HDAC9: variants seen among roughly 807,000 people sequenced by gnomAD.
HDAC9 encodes the protein MEF-2 interacting transcription repressor (MITR) protein.
In HDAC9, 41 loss-of-function variants were observed where a neutral mutation model predicts 139.4. The observed-to-expected ratio is 0.29, with a 90% CI of 0.23 to 0.38. The LOEUF (loss-of-function observed/expected upper bound fraction) is 0.38. HDAC9 is among the 10% of genes least tolerant of loss of function. HDAC9 has a pLI of 1.00. For synonymous variants in HDAC9, 517 were observed against 476.2 expected (o/e 1.09, Z -1.12); for missense variants, 1,147 against 1,297.0 (o/e 0.88, Z 1.78).
chr7:18,554,586 C>T (rs1310272923), intron 2 of HDAC9, among the ~76,000 whole-genome samples: 8 of 152,118 alleles, frequency 5.3e-5, no homozygotes, highest in East Asian at 3.9e-4. Context: ...CCACCTGCCT[C>T]GGCCTCCCAA....
intron 1 of HDAC9, among the ~76,000 whole-genome samples, chr7:18,114,259 A>G (rs922373792): frequency 6.6e-6 from 1 of 152,268 alleles, no homozygotes; most frequent in African/African-American, 2.4e-5. Flanking sequence ...AAGCAAACGC[A>G]TTAGAGAGAC....
intron 12 of HDAC9, among the ~76,000 whole-genome samples, chr7:18,685,129 G>A (rs570943197): frequency 1.3e-5 from 2 of 152,086 alleles, no homozygotes; most frequent in African/African-American, 2.4e-5. Flanking sequence ...CCTCTAGAAA[G>A]GTTAGTTGGA....
chr7:18,929,949 A>AAAG (rs71017013), intron 22 of HDAC9, among the ~76,000 whole-genome samples: 31,040 of 151,598 alleles, frequency 0.2, 3,466 homozygotes, highest in East Asian at 0.37. Context: ...AAAAAAAAAA[A>AAAG]TATCTGAAAC....
At chr7:18,437,944 TAC>T (rs574736728) in intron 1 of HDAC9, among the ~76,000 whole-genome samples, 156 of 148,356 alleles carry the variant, frequency 1.1e-3, no homozygotes, top group South Asian at 1.7e-3. Context: ...TATATAACGT[TAC>T]ACACACACAC....
At position 18,996,266 on chromosome 7, in the gene HDAC9, G is replaced by A. The variant is rs991201780; in HGVS notation, c.*204G>A. 5.1e-5 allele frequency: 25 copies of A among 489,778 alleles called. No individual in the cohort carries two copies. The highest frequency in any genetic ancestry group is 3.3e-4 in the African/African-American group (17 of 51,022). The allele number at this position is 489,778 out of a possible 1,614,324, so 30.3% of individuals were successfully genotyped here. A position where few individuals can be genotyped will look rare whatever the true frequency, so the allele number is the denominator to read the frequency against. Reference sequence around the variant, plus strand: ...CATTAAAGATTCCTTAAACGTAACCGCTGTGATTCTAGAGTTACAGTAAAC... The same window carrying A: ...CATTAAAGATTCCTTAAACGTAACCACTGTGATTCTAGAGTTACAGTAAAC... On this transcript the variant is annotated 3_prime_UTR_variant, in exon 26 of 26. Coordinates refer to ENST00000686413, the MANE Select transcript of HDAC9 (RefSeq NM_178425.4).
chr7:18,931,166 A>C (rs966606281), intron 22 of HDAC9, among the ~76,000 whole-genome samples: 1 of 152,206 alleles, frequency 6.6e-6, no homozygotes, highest in Non-Finnish European at 1.5e-5. Context: ...TTTTTTACAT[A>C]AATTTTCTAG....
At chr7:18,621,701 A>G (rs1196093020) in intron 6 of HDAC9, among the ~76,000 whole-genome samples, 4 of 152,184 alleles carry the variant, frequency 2.6e-5, no homozygotes, top group Non-Finnish European at 5.9e-5. Context: ...TTAGTGTCAA[A>G]ATATATAAAA....
At chr7:18,678,949 C>G (rs1482026472) in intron 12 of HDAC9, among the ~76,000 whole-genome samples, 1 of 151,828 alleles carries the variant, frequency 6.6e-6, no homozygotes, top group African/African-American at 2.4e-5. Context: ...CTCTCTTGCT[C>G]CCTAATTTGT....
At chr7:18,220,025 T>TA (rs1792587295) in intron 2 of HDAC9, among the ~76,000 whole-genome samples, 1 of 152,194 alleles carries the variant, frequency 6.6e-6, no homozygotes. Flanking sequence ...CTAAGTTATA[T>TA]AATGTACACA....
intron 2 of HDAC9, among the ~76,000 whole-genome samples, chr7:18,225,446 T>C (rs1436739180): frequency 1.3e-5 from 2 of 152,196 alleles, no homozygotes; most frequent in African/African-American, 4.8e-5. Context: ...GTTTTTCTTT[T>C]TGTCATAAAT....
intron 13 of HDAC9, among the ~76,000 whole-genome samples, chr7:18,731,627 A>G (rs1444933654): frequency 2.0e-5 from 3 of 152,150 alleles, no homozygotes; most frequent in Non-Finnish European, 2.9e-5. Context: ...AATTATTTTT[A>G]AAGATAATTT....
intron 2 of HDAC9, among the ~76,000 whole-genome samples, chr7:18,243,706 A>G (rs1240794485): frequency 6.6e-6 from 1 of 152,216 alleles, no homozygotes; most frequent in Non-Finnish European, 1.5e-5. Context: ...ACTTGAATGA[A>G]ACATGGAGCT....
intron 24 of HDAC9, among the ~76,000 whole-genome samples, chr7:18,974,351 A>G (rs1784427648): frequency 1.3e-5 from 2 of 152,152 alleles, no homozygotes; most frequent in Admixed American, 1.3e-4. Flanking sequence ...CATCTTAAAT[A>G]CGTGTTCTAC....
chr7:18,939,182 A>G (rs1200581232), intron 23 of HDAC9, among the ~76,000 whole-genome samples: 1 of 152,212 alleles, frequency 6.6e-6, no homozygotes, highest in Non-Finnish European at 1.5e-5. Context: ...TTTTTTCAAT[A>G]TAAACTAAAG....
intron 21 of HDAC9, among the ~76,000 whole-genome samples, chr7:18,860,671 A>C (rs1798037474): frequency 6.6e-6 from 1 of 151,338 alleles, no homozygotes; most frequent in Admixed American, 6.6e-5. Context: ...AATAAAGGAA[A>C]GAAAAAAAGG....
rs1563123224 is a variant in HDAC9, at chr7:18,999,627, C to CAACAT, written c.*3565_*3566insAACAT. 6.6e-6 allele frequency: 1 copy of CAACAT among 152,028 alleles called. No homozygotes were observed. The highest frequency in any genetic ancestry group is 2.4e-5 in the African/African-American group (1 of 41,398). 9.4% of individuals were successfully genotyped at this position (152,028 alleles called of 1,614,324 possible). A position where few individuals can be genotyped will look rare whatever the true frequency, so the allele number is the denominator to read the frequency against. The stretch of plus-strand genomic sequence containing the variant: ...CTAATTTTTGTATTTTTAGTAGAGA[C>CAACAT]GGGGTTTCTCCATGTTGGTCAGGCT... On this transcript the variant is annotated 3_prime_UTR_variant, in exon 26 of 26. Transcript: ENST00000686413.
At position 18,484,853 on chromosome 7, in the gene HDAC9, T is replaced by TAA. The variant is rs71553929; in HGVS notation, c.-41-11396_-41-11395dup. ...GGATGACAGAGCAAGACCCCACCTG[T>TAA]AAAAAAAAAAAAAAGGAAAACGTAA... On this transcript the variant is annotated intron_variant, in intron 1 of 3. Coordinates refer to the HDAC9 transcript ENST00000413509. Among the ~76,000 whole-genome samples, 1,281 of 139,312 alleles carry TAA rather than the reference T, an allele frequency of 9.2e-3. 18 individuals carry two copies. Among genetic ancestry groups the TAA allele is most frequent in the African/African-American group, 0.03 (1,125 of 37,338 alleles). The allele number at this position is 139,312 out of a possible 152,430, so 91.4% of individuals were successfully genotyped here. A position where few individuals can be genotyped will look rare whatever the true frequency, so the allele number is the denominator to read the frequency against.
intron 12 of HDAC9, chr7:18,668,953 A>G (rs1795485199): frequency 1.1e-6 from 1 of 888,140 alleles, no homozygotes; most frequent in Non-Finnish European, 1.3e-6. Flanking sequence ...TGTTGAAACA[A>G]GAAAATAAAG....
intron 2 of HDAC9, among the ~76,000 whole-genome samples, chr7:18,170,017 T>C (rs1313495698): frequency 6.6e-6 from 1 of 152,236 alleles, no homozygotes; most frequent in Non-Finnish European, 1.5e-5. Context: ...TAGTTCTAGA[T>C]CCTTGAGGAA....
Sources: allele counts gnomAD v4.1 joint callset (sites outside exome capture counted in the v4.1 genomes callset), GRCh38; gene constraint gnomAD v4.1.1; transcripts MANE v1.5; gene names NCBI Gene and HGNC (gene_info 2026-07-23, HGNC 2026-07-21).